Variants in PAMR1 observed in about 807,000 individuals in gnomAD.
PAMR1 encodes inactive serine protease PAMR1.
In PAMR1, 88 loss-of-function variants were observed where a neutral mutation model predicts 81.8. The observed-to-expected ratio is 1.08, with a 90% CI of 0.91 to 1.28. The LOEUF is 1.28. PAMR1 is among the 50% of genes most tolerant of loss of function. PAMR1 has a pLI of 0.00. For missense variants in PAMR1, 935 were observed against 919.7 expected, an observed-to-expected ratio of 1.02 and a Z score of -0.21; for synonymous variants, 336 against 345.3, an observed-to-expected ratio of 0.97 and a Z score of 0.30.
rs1754192234 is a variant in PAMR1, at chr11:35,432,856, T to TG, written c.1662dup (p.Ile555HisfsTer4). On this transcript the variant is annotated frameshift_variant, in exon 11 of 11. Coordinates refer to ENST00000619888, the MANE Select transcript of PAMR1 (RefSeq NM_001001991.3). LOFTEE classifies it high-confidence loss of function. ...ATGGCGATGTCAGCATCAAGCAGGA[T>TG]GGGGTCATAGTTGGGATGCAGAATG... is the stretch of plus-strand genomic sequence containing the variant. 1.9e-6 allele frequency: 3 copies of TG among 1,596,612 alleles called. No individual in the cohort carries two copies. The highest frequency in any genetic ancestry group is 2.5e-6 in the Non-Finnish European group (3 of 1,177,520).
intron 6 of PAMR1, among the ~76,000 whole-genome samples, chr11:35,457,569 G>A (rs184833192): frequency 1.3e-5 from 2 of 152,276 alleles, no homozygotes; most frequent in Admixed American, 6.5e-5. Context: ...ATACAAAGCT[G>A]TAGACCTCTA....
intron 5 of PAMR1, among the ~76,000 whole-genome samples, chr11:35,469,404 G>T (rs1011181582): frequency 6.6e-6 from 1 of 152,188 alleles, no homozygotes; most frequent in Non-Finnish European, 1.5e-5. Context: ...AGCCACTGCT[G>T]CCCCTACCTG....
At chr11:35,436,218 A>G (rs547612117) in intron 8 of PAMR1, 83 bp from the exon 9 acceptor site, 16 of 821,352 alleles carry the variant, frequency 1.9e-5, no homozygotes, top group African/African-American at 1.0e-4. Flanking sequence ...GCCATGTCCC[A>G]TGTAGATATT....
At chr11:35,482,879 T>A in intron 3 of PAMR1, among the ~76,000 whole-genome samples, 1 of 152,214 alleles carries the variant, frequency 6.6e-6, no homozygotes, top group East Asian at 1.9e-4. Flanking sequence ...TTTTGCTCAT[T>A]GATTTGGTGA....
chr11:35,517,093 C>G (rs559460613), intron 1 of PAMR1, among the ~76,000 whole-genome samples: 95 of 152,276 alleles, frequency 6.2e-4, no homozygotes, highest in African/African-American at 2.1e-3. Context: ...CAAGTCACAG[C>G]TCTTCTCACT....
intron 1 of PAMR1, among the ~76,000 whole-genome samples, chr11:35,503,533 A>G (rs1850894613): frequency 6.6e-6 from 1 of 151,182 alleles, no homozygotes; most frequent in Non-Finnish European, 1.5e-5. Context: ...ATTTTTTGTG[A>G]CCTCTTTAAT....
chr11:35,521,997 C>A (rs1228654921), intron 1 of PAMR1, among the ~76,000 whole-genome samples: 3 of 151,924 alleles, frequency 2.0e-5, no homozygotes, highest in Non-Finnish European at 2.9e-5. Context: ...ATCTTGGCTC[C>A]CTGCAAGCTC....
chr11:35,526,692 C>G (rs770844486), upstream of PAMR1, among the ~76,000 whole-genome samples: 2 of 152,208 alleles, frequency 1.3e-5, no homozygotes, highest in Non-Finnish European at 2.9e-5. Flanking sequence ...AGGCTATAGT[C>G]TTAGCCACTA....
At chr11:35,481,769 G>A (rs914296313) in intron 3 of PAMR1, among the ~76,000 whole-genome samples, 15 of 152,190 alleles carry the variant, frequency 9.9e-5, no homozygotes, top group African/African-American at 3.1e-4. Flanking sequence ...GTGATCCATC[G>A]CCTCAGCCTC....
intron 3 of PAMR1, among the ~76,000 whole-genome samples, chr11:35,475,523 C>T (rs529144984): frequency 1.0e-3 from 152 of 152,284 alleles, no homozygotes; most frequent in African/African-American, 3.5e-3. Context: ...ATTGAATAGT[C>T]TTTAAATTAG....
intron 3 of PAMR1, 58 bp from the exon 4 acceptor site, chr11:35,474,802 G>C: frequency 1.7e-6 from 2 of 1,167,132 alleles, no homozygotes; most frequent in Non-Finnish European, 2.6e-6. Context: ...AAAGAGACTA[G>C]AGAAGGTCTC....
chr11:35,469,520 T>C (rs962130255), intron 5 of PAMR1, among the ~76,000 whole-genome samples: 47 of 152,136 alleles, frequency 3.1e-4, no homozygotes, highest in African/African-American at 1.1e-3. Flanking sequence ...CACAGGCTGA[T>C]CACACCACAG....
chr11:35,432,909 T>G lies in PAMR1; in HGVS notation c.1627-17A>C, dbSNP rs774025579. On this transcript the variant is annotated splice_polypyrimidine_tract_variant and intron_variant, in intron 10 of 10. Transcript: ENST00000619888. ...AGCAGAAATCTACAAATGCAAGGAA[T>G]GGGCAGCAATGGTGAGGAGCCAGCT... 4 of 1,546,942 alleles carry G rather than the reference T, an allele frequency of 2.6e-6. No homozygotes were observed. Among genetic ancestry groups the G allele is most frequent in the Non-Finnish European group, 3.5e-6 (4 of 1,149,636 alleles).
intron 7 of PAMR1, among the ~76,000 whole-genome samples, chr11:35,440,312 A>G (rs1856138538): frequency 6.6e-6 from 1 of 152,230 alleles, no homozygotes; most frequent in Non-Finnish European, 1.5e-5. Context: ...CTTTGGTTGT[A>G]TTAATTTGTA....
chr11:35,527,620 C>T (rs1851413510), upstream of PAMR1, among the ~76,000 whole-genome samples: 1 of 152,148 alleles, frequency 6.6e-6, no homozygotes, highest in South Asian at 2.1e-4. Context: ...CAGTCCTGGT[C>T]CTTTGGTGAT....
At chr11:35,474,940 C>T (rs746152126) in intron 3 of PAMR1, among the ~76,000 whole-genome samples, 196 bp from the exon 4 acceptor site, 6 of 152,202 alleles carry the variant, frequency 3.9e-5, no homozygotes, top group Non-Finnish European at 2.9e-5. Flanking sequence ...TCATTTAATC[C>T]ACCCAACAGC....
chr11:35,446,430 G>A (rs1856294106), intron 6 of PAMR1, among the ~76,000 whole-genome samples: 1 of 152,136 alleles, frequency 6.6e-6, no homozygotes, highest in African/African-American at 2.4e-5. Flanking sequence ...TGTGATGCTA[G>A]GATATCAATT....
At chr11:35,488,090 A>G (rs1850544553) in intron 3 of PAMR1, among the ~76,000 whole-genome samples, 1 of 151,918 alleles carries the variant, frequency 6.6e-6, no homozygotes, top group Non-Finnish European at 1.5e-5. Flanking sequence ...TCAGGATAAC[A>G]TGGTCTTAAC....
At chr11:35,451,018 A>G (rs940084546) in intron 6 of PAMR1, among the ~76,000 whole-genome samples, 1 of 152,256 alleles carries the variant, frequency 6.6e-6, no homozygotes, top group Non-Finnish European at 1.5e-5. Flanking sequence ...ATTTAAGACC[A>G]GTCTTGGAAT....
Sources: allele counts gnomAD v4.1 joint callset (sites outside exome capture counted in the v4.1 genomes callset), GRCh38; gene constraint gnomAD v4.1.1; transcripts MANE v1.5; gene names NCBI Gene and HGNC (gene_info 2026-07-23, HGNC 2026-07-21).